The following GAPVD1 variants were observed in gnomAD, a reference collection of about 807,000 sequenced individuals.
The protein encoded by GAPVD1 is GTPase activating protein and VPS9 domains 1.
Under a neutral mutation model 155.5 loss-of-function variants are expected in GAPVD1, and 35 were observed. The ratio of observed to expected loss-of-function variants is 0.23; its 90% CI spans 0.17 to 0.30. GAPVD1 has a LOEUF of 0.30. GAPVD1 is among the 10% of genes least tolerant of loss of function. The pLI is 1.00. For missense variants in GAPVD1, 1,429 were observed against 1,775.7 expected, an observed-to-expected ratio of 0.80 and a Z score of 3.51; for synonymous variants, 636 against 619.7, an observed-to-expected ratio of 1.03 and a Z score of -0.39.
chr9:125,289,546 C>T (rs1838257502), intron 2 of GAPVD1, among the ~76,000 whole-genome samples: 1 of 152,028 alleles, frequency 6.6e-6, no homozygotes, highest in African/African-American at 2.4e-5. Context: ...AGTTTTTGGC[C>T]TGAGCAGTTG....
chr9:125,346,999 A>G, intron 20 of GAPVD1, 58 bp downstream of exon 20: 2 of 1,565,912 alleles, frequency 1.3e-6, no homozygotes, highest in Non-Finnish European at 1.8e-6. Flanking sequence ...GATAAAGGTA[A>G]TCTGAATTTA....
chr9:125,314,937 G>A (rs1030632833), intron 9 of GAPVD1, among the ~76,000 whole-genome samples: 5 of 151,722 alleles, frequency 3.3e-5, no homozygotes, highest in African/African-American at 7.2e-5. Flanking sequence ...ACAGGCGCCC[G>A]CCACCACGCC....
intron 26 of GAPVD1, chr9:125,359,747 G>A (rs1052656900): frequency 4.7e-6 from 2 of 424,468 alleles, no homozygotes; most frequent in Non-Finnish European, 8.5e-6. Context: ...CCTGCTCTCA[G>A]GGGCAGTACC....
At chr9:125,310,477 G>T (rs529086341) in intron 8 of GAPVD1, among the ~76,000 whole-genome samples, 3 of 150,356 alleles carry the variant, frequency 2.0e-5, no homozygotes, top group African/African-American at 7.3e-5. Flanking sequence ...TTTCTATTTA[G>T]TATTCTGGTT....
rs766905138 is a variant in GAPVD1, at chr9:125,332,516, G to A, written c.2315G>A (p.Ser772Asn). The A allele has an allele frequency of 3.1e-6, 5 of 1,595,968 alleles. No individual in the cohort carries two copies. Among genetic ancestry groups the A allele is most frequent in the Non-Finnish European group, 3.4e-6 (4 of 1,170,608 alleles). The change falls in exon 15 of 28, where the codon AGT becomes AAT. Residue 772 changes from serine to asparagine, a missense_variant. By Grantham distance (46) the Ser-to-Asn change is conservative. This residue lies in a region of GAPVD1 where 699 missense variants were observed against 826.0 expected (regional missense o/e 0.85). Transcript: ENST00000297933. ...TTACTATTGTTTTTTAAAGGCATAA[G>A]TGCAACCTCTGAGGATATTCCCAAT... is the stretch of plus-strand genomic sequence containing the variant. ...TPGLSVVSGI[S>N]ATSEDIPNKI... is the part of the protein sequence containing the mutation.
chr9:125,353,587 A>C (rs1401324668), intron 23 of GAPVD1, among the ~76,000 whole-genome samples: 1 of 152,206 alleles, frequency 6.6e-6, no homozygotes, highest in African/African-American at 2.4e-5. Flanking sequence ...AGACTGGGCA[A>C]TTTAACAAAA....
intron 15 of GAPVD1, 111 bp from the exon 16 acceptor site, chr9:125,336,907 T>C: frequency 1.6e-6 from 1 of 643,992 alleles, no homozygotes; most frequent in Non-Finnish European, 2.8e-6. Context: ...CCTCTCAAGT[T>C]CTAATGGATC....
Position 125,355,638 on chromosome 9 carries a change from T to A in GAPVD1, c.3758-6T>A. Reference sequence around the variant, plus strand: ...ACTATTTAAAAATTATTATTTTGCTTTGGAGACTTTCAGAAACTCACCGCA... The same window carrying A: ...ACTATTTAAAAATTATTATTTTGCTATGGAGACTTTCAGAAACTCACCGCA... On this transcript the variant is annotated splice_polypyrimidine_tract_variant and splice_region_variant and intron_variant, in intron 24 of 27. Coordinates refer to ENST00000297933, the MANE Select transcript of GAPVD1 (RefSeq NM_001282680.3). 6.4e-7 allele frequency: 1 copy of A among 1,560,302 alleles called. No individual in the cohort carries two copies. Among genetic ancestry groups the A allele is most frequent in the Non-Finnish European group, 8.8e-7 (1 of 1,135,850 alleles).
Position 125,321,416 on chromosome 9 carries a change from G to A in GAPVD1, c.1603-17G>A. 6.3e-7 allele frequency: 1 copy of A among 1,599,928 alleles called. No individual in the cohort carries two copies. The highest frequency in any genetic ancestry group is 8.5e-7 in the Non-Finnish European group (1 of 1,170,118). On this transcript the variant is annotated splice_polypyrimidine_tract_variant and intron_variant, in intron 9 of 27. Transcript: ENST00000297933. ...ATCTTTCCATTGATAAACCAAAATT[G>A]ACATTTTATTTTTTAGGTCCTAAAC...
chr9:125,346,843 C>T lies in GAPVD1; in HGVS notation c.3071C>T (p.Ala1024Val), dbSNP rs779552583. Residue 1024 changes from alanine (A) to valine (V), a missense_variant, in exon 20 of 28, where the codon GCA (alanine) becomes GTA (valine). By Grantham distance (64) the Ala-to-Val change is moderately conservative. Transcript: ENST00000297933. ...LTDDPSPRLS[A>V]QAQVAEDILD... ...GATGATCCCAGCCCTAGACTCAGTG[C>T]ACAAGCTCAGGTGGCTGAGGATATT... is the stretch of plus-strand genomic sequence containing the variant. The T allele has an allele frequency of 6.2e-7, 1 of 1,614,040 alleles. No individual in the cohort carries two copies. The highest frequency in any genetic ancestry group is 2.2e-5 in the East Asian group (1 of 44,882).
At chr9:125,298,773 C>T in intron 3 of GAPVD1, 117 bp from the exon 4 acceptor site, 2 of 534,186 alleles carry the variant, frequency 3.7e-6, no homozygotes, top group East Asian at 6.1e-5. Context: ...TAGGCATGAG[C>T]CACCGCGCCT....
At chr9:125,334,743 A>T (rs1156255447) in intron 15 of GAPVD1, among the ~76,000 whole-genome samples, 1 of 152,008 alleles carries the variant, frequency 6.6e-6, no homozygotes, top group Non-Finnish European at 1.5e-5. Context: ...CTACAAAAAT[A>T]AAAAAATAAA....
chr9:125,305,014 G>T, intron 5 of GAPVD1, 49 bp from the exon 6 acceptor site: 1 of 1,176,626 alleles, frequency 8.5e-7, no homozygotes, highest in South Asian at 1.2e-5. Context: ...ACGTATTTGT[G>T]AGTATCTGTC....
intron 16 of GAPVD1, 45 bp downstream of exon 16, chr9:125,337,140 G>A (rs376124417): frequency 3.1e-6 from 5 of 1,596,922 alleles, no homozygotes; most frequent in African/African-American, 1.3e-5. Flanking sequence ...ACAGACAGGA[G>A]GAGGAAACCA....
intron 25 of GAPVD1, among the ~76,000 whole-genome samples, chr9:125,358,449 C>A (rs934741475): frequency 4.6e-5 from 7 of 152,170 alleles, no homozygotes; most frequent in African/African-American, 1.7e-4. Flanking sequence ...TGTTTCTGAC[C>A]TCAACCATGT....
intron 12 of GAPVD1, among the ~76,000 whole-genome samples, chr9:125,329,172 T>A (rs1224723527): frequency 6.6e-6 from 1 of 152,214 alleles, no homozygotes; most frequent in African/African-American, 2.4e-5. Context: ...TTTACATTAC[T>A]TTGTTCCAGA....
chr9:125,316,313 T>C (rs1843417208), intron 9 of GAPVD1, among the ~76,000 whole-genome samples: 1 of 152,290 alleles, frequency 6.6e-6, no homozygotes, highest in Non-Finnish European at 1.5e-5. Flanking sequence ...TTTCTCCTAA[T>C]GATATCCCTC....
At chr9:125,335,293 T>A (rs377698409) in intron 15 of GAPVD1, 1 of 612,286 alleles carries the variant, frequency 1.6e-6, no homozygotes, top group African/African-American at 1.9e-5. Flanking sequence ...AATGTGTCAT[T>A]CTCTTCATTT....
At chr9:125,277,004 G>C (rs1010791351) in intron 2 of GAPVD1, among the ~76,000 whole-genome samples, 1 of 151,898 alleles carries the variant, frequency 6.6e-6, no homozygotes, top group Admixed American at 6.6e-5. Context: ...GGCCTCAGGC[G>C]ATCCTCCCAC....
Sources: gnomAD v4.1 joint callset for allele counts (sites outside exome capture counted in the v4.1 genomes callset) on GRCh38, gnomAD v4.1.1 for gene constraint, gnomAD v4.1.1 regional missense constraint, MANE v1.5 for transcripts, NCBI Gene and HGNC (gene_info 2026-07-23, HGNC 2026-07-21) for gene names.